The following RBFOX1 variants were observed in gnomAD, a reference collection of about 807,000 sequenced individuals.
RBFOX1 encodes RNA binding protein fox-1 homolog 1.
RBFOX1 carries 8 observed loss-of-function variants against 57.7 expected under a neutral mutation model. That is an observed-to-expected ratio of 0.14 (90% confidence interval 0.08 to 0.25). The LOEUF (loss-of-function observed/expected upper bound fraction) is 0.25, where lower values mean the gene tolerates loss of function less well. Among genes scored for constraint, RBFOX1 ranks in the 10% least tolerant of loss-of-function variants. The pLI, the probability that RBFOX1 is intolerant of heterozygous loss-of-function variation, is 1.00. For missense variants in RBFOX1, 611 were observed against 548.5 expected, an observed-to-expected ratio of 1.11 and a Z score of -1.14; for synonymous variants, 326 against 222.4, an observed-to-expected ratio of 1.47 and a Z score of -4.15.
At chr16:6,884,333 A>AG (rs1227810396) in intron 3 of RBFOX1, among the ~76,000 whole-genome samples, 1 of 152,118 alleles carries the variant, frequency 6.6e-6, no homozygotes, top group Non-Finnish European at 1.5e-5. Context: ...AGGGCTGGGG[A>AG]CCTGGCAGCT....
At chr16:7,710,364 C>T in intron 15 of RBFOX1, 1 of 1,307,354 alleles carries the variant, frequency 7.6e-7, no homozygotes, top group Non-Finnish European at 9.7e-7. Context: ...TTCCATTGTC[C>T]AGCTTATAAT....
intron 3 of RBFOX1, among the ~76,000 whole-genome samples, chr16:5,674,276 A>T (rs1168569006): frequency 6.6e-6 from 1 of 152,230 alleles, no homozygotes; most frequent in African/African-American, 2.4e-5. Context: ...TAGGGTTCAG[A>T]GAAGCTGTTT....
chr16:7,670,873 C>G (rs1251136855), intron 13 of RBFOX1, among the ~76,000 whole-genome samples: 1 of 152,148 alleles, frequency 6.6e-6, no homozygotes, highest in Non-Finnish European at 1.5e-5. Flanking sequence ...AAACTGCATC[C>G]TAGTCCGCAC....
intron 2 of RBFOX1, among the ~76,000 whole-genome samples, chr16:6,525,668 A>G (rs1160876046): frequency 1.3e-5 from 2 of 151,998 alleles, no homozygotes; most frequent in Non-Finnish European, 2.9e-5. Context: ...TACTTCCTAG[A>G]TGGTGTCTTG....
intron 2 of RBFOX1, among the ~76,000 whole-genome samples, chr16:6,419,305 C>T (rs76862387): frequency 6.6e-6 from 1 of 152,170 alleles, no homozygotes; most frequent in African/African-American, 2.4e-5. Flanking sequence ...CCTGACTGGC[C>T]TGGAATTGCC....
intron 4 of RBFOX1, among the ~76,000 whole-genome samples, chr16:7,171,687 A>G (rs1000121682): frequency 6.6e-6 from 1 of 152,184 alleles, no homozygotes; most frequent in South Asian, 2.1e-4. Context: ...GGATTTAGTT[A>G]TAGGGTAAGC....
At chr16:6,474,065 G>A (rs191434334) in intron 2 of RBFOX1, among the ~76,000 whole-genome samples, 7 of 152,190 alleles carry the variant, frequency 4.6e-5, no homozygotes, top group Admixed American at 3.9e-4. Context: ...GCTGGTTACT[G>A]CAAACTGTGG....
At chr16:7,385,958 ATTTT>A (rs1555815003) in intron 4 of RBFOX1, among the ~76,000 whole-genome samples, 2 of 142,158 alleles carry the variant, frequency 1.4e-5, no homozygotes, top group African/African-American at 2.7e-5. Context: ...TTATTTATTT[ATTTT>A]TTATTTTTAG....
intron 4 of RBFOX1, among the ~76,000 whole-genome samples, chr16:7,111,916 G>T (rs2064857277): frequency 6.6e-6 from 1 of 152,114 alleles, no homozygotes; most frequent in Non-Finnish European, 1.5e-5. Flanking sequence ...TGTTCTTCAA[G>T]TGGTCTCATT....
intron 4 of RBFOX1, among the ~76,000 whole-genome samples, chr16:7,148,692 G>T (rs1215833234): frequency 1.3e-5 from 2 of 152,202 alleles, no homozygotes; most frequent in Non-Finnish European, 2.9e-5. Flanking sequence ...ACTCTCTACA[G>T]TTTTAACATG....
At chr16:7,554,283 T>A (rs560757228) in intron 5 of RBFOX1, among the ~76,000 whole-genome samples, 1 of 152,190 alleles carries the variant, frequency 6.6e-6, no homozygotes, top group East Asian at 1.9e-4. Flanking sequence ...GAACCGTTCT[T>A]CAACTATCTT....
chr16:7,274,949 G>C (rs1020557855), intron 4 of RBFOX1, among the ~76,000 whole-genome samples: 8 of 152,084 alleles, frequency 5.3e-5, no homozygotes, highest in African/African-American at 1.9e-4. Context: ...CTCCCAAAGT[G>C]CTGGAATTAG....
At chr16:7,558,889 C>A (rs953343964) in intron 5 of RBFOX1, among the ~76,000 whole-genome samples, 1 of 152,214 alleles carries the variant, frequency 6.6e-6, no homozygotes, top group Non-Finnish European at 1.5e-5. Flanking sequence ...AGATGGGATT[C>A]ATATTCCTAG....
At chr16:6,130,204 A>G (rs544505974) in intron 1 of RBFOX1, among the ~76,000 whole-genome samples, 2 of 152,146 alleles carry the variant, frequency 1.3e-5, no homozygotes, top group African/African-American at 2.4e-5. Context: ...ATACAGTTTT[A>G]TTCTTGGGTT....
intron 4 of RBFOX1, among the ~76,000 whole-genome samples, chr16:7,229,953 A>G (rs1265942549): frequency 1.7e-4 from 10 of 58,728 alleles, no homozygotes; most frequent in Admixed American, 3.1e-4. Context: ...AGGAAGGGAG[A>G]GAGAGGGAGG....
At chr16:7,319,249 C>T (rs1033507233) in intron 4 of RBFOX1, among the ~76,000 whole-genome samples, 8 of 152,238 alleles carry the variant, frequency 5.3e-5, no homozygotes, top group South Asian at 4.2e-4. Flanking sequence ...TGAATTTCCA[C>T]GTTGAGCTCT....
chr16:6,243,026 T>C (rs940823154), intron 1 of RBFOX1, among the ~76,000 whole-genome samples: 1 of 152,184 alleles, frequency 6.6e-6, no homozygotes, highest in Non-Finnish European at 1.5e-5. Context: ...GTTTCTGAAT[T>C]GTAAGAGATA....
At chr16:7,247,375 C>A (rs994445349) in intron 4 of RBFOX1, among the ~76,000 whole-genome samples, 1 of 152,084 alleles carries the variant, frequency 6.6e-6, no homozygotes. Context: ...TACACTCTGC[C>A]CATGGAGGTG....
At chr16:5,904,116 G>T (rs559571776) in intron 4 of RBFOX1, among the ~76,000 whole-genome samples, 1 of 152,272 alleles carries the variant, frequency 6.6e-6, no homozygotes, top group South Asian at 2.1e-4. Context: ...TAAGGCGAAT[G>T]GGCCTCCGCA....
Sources: allele counts gnomAD v4.1 joint callset (sites outside exome capture counted in the v4.1 genomes callset), GRCh38; gene constraint gnomAD v4.1.1; transcripts MANE v1.5; gene names NCBI Gene and HGNC (gene_info 2026-07-23, HGNC 2026-07-21).